ASTN2: variants seen among roughly 807,000 people sequenced by gnomAD.
ASTN2 encodes astrotactin-2.
A neutral mutation model predicts 139.8 loss-of-function variants in ASTN2; 54 were observed. That is an observed-to-expected ratio of 0.39 (90% CI 0.31 to 0.48). The LOEUF (loss-of-function observed/expected upper bound fraction) is 0.48. Among genes scored for constraint, ASTN2 ranks in the 20% least tolerant of loss-of-function variants. ASTN2 has a pLI of 0.95. For missense variants in ASTN2, 1,565 were observed against 1,725.1 expected (o/e 0.91, Z 1.64); for synonymous variants, 756 against 719.5 (o/e 1.05, Z -0.81).
chr9:116,607,838 G>A (rs1855294948), intron 19 of ASTN2, among the ~76,000 whole-genome samples: 1 of 152,148 alleles, frequency 6.6e-6, no homozygotes, highest in South Asian at 2.1e-4. Flanking sequence ...GCACGCACCT[G>A]TAGTCCCAGC....
intron 4 of ASTN2, among the ~76,000 whole-genome samples, chr9:117,131,016 C>G (rs1202088907): frequency 3.9e-5 from 6 of 152,152 alleles, no homozygotes; most frequent in African/African-American, 1.4e-4. Context: ...TCTTTGTAGT[C>G]TTCTAAGTGA....
chr9:117,402,790 G>A (rs1027048855), intron 1 of ASTN2, among the ~76,000 whole-genome samples: 1 of 152,036 alleles, frequency 6.6e-6, no homozygotes, highest in South Asian at 2.1e-4. Flanking sequence ...GTGGGGTGGT[G>A]GTGGTGGTGT....
At chr9:116,631,835 G>A (rs1404676000) in intron 17 of ASTN2, among the ~76,000 whole-genome samples, 1 of 152,068 alleles carries the variant, frequency 6.6e-6, no homozygotes. Context: ...TCACATGTAG[G>A]CCGGGCGTGG....
rs576735879 is a variant in ASTN2, at chr9:116,618,600, G to A, written c.3207-128C>T. ...TTAAATCTTGATTCCACCCATGATCGCCAACTTGCATGACCGTAGGCAAGT... is the reference window on the plus strand; with the variant it reads ...TTAAATCTTGATTCCACCCATGATCACCAACTTGCATGACCGTAGGCAAGT... On this transcript the variant is annotated intron_variant, in intron 18 of 22. Coordinates refer to ENST00000313400, the MANE Select transcript of ASTN2 (RefSeq NM_001365068.1). 42 of 1,133,460 alleles carry A rather than the reference G, an allele frequency of 3.7e-5. No individual in the cohort carries two copies. The East Asian group carries it at 5.2e-4, about 14-fold the overall frequency. The allele number at this position is 1,133,460 out of a possible 1,614,324, so 70.2% of individuals were successfully genotyped here. A position where few individuals can be genotyped will look rare whatever the true frequency, so the allele number is the denominator to read the frequency against.
rs761503419 is a variant in ASTN2, at chr9:116,699,361, G to A, written c.2806+26410C>T. 10 of 1,614,030 alleles carry A rather than the reference G, an allele frequency of 6.2e-6. No homozygotes were observed. The highest frequency in any genetic ancestry group is 3.3e-5 in the Admixed American group (2 of 60,002). ...GGCTTAGGCCTCAATCTGGAGAATC[G>A]GCAGAATGAGCACCACCTGGAGGGT... On this transcript the variant is annotated intron_variant, in intron 16 of 22. Transcript: ENST00000313400. This position sits in a 1 kb window ranked among gnomAD's most constrained non-coding sequence, Gnocchi z 4.2.
intron 1 of ASTN2, among the ~76,000 whole-genome samples, chr9:117,335,195 T>A (rs751337281): frequency 1.3e-5 from 2 of 152,222 alleles, no homozygotes; most frequent in Non-Finnish European, 2.9e-5. Context: ...ATTTACATGT[T>A]TATTGTCAGT....
intron 13 of ASTN2, among the ~76,000 whole-genome samples, chr9:116,765,721 C>T (rs1468503977): frequency 6.6e-6 from 1 of 151,808 alleles, no homozygotes; most frequent in African/African-American, 2.4e-5. Context: ...GGAAAAATCT[C>T]TAGGGGGTAT....
At chr9:117,348,116 G>A (rs1829281105) in intron 1 of ASTN2, among the ~76,000 whole-genome samples, 1 of 152,166 alleles carries the variant, frequency 6.6e-6, no homozygotes, top group Non-Finnish European at 1.5e-5. Context: ...ATGAAGGTAG[G>A]TAACTGGGGA....
In ASTN2 at chr9:116,976,703, T is replaced by C. The variant is rs1287310598; in HGVS notation, c.1674A>G (p.Glu558=). The C allele has an allele frequency of 1.9e-6, 3 of 1,613,996 alleles. No homozygotes were observed. The South Asian group carries it at 3.3e-5, about 18-fold the overall frequency. Residue 558 remains glutamate (E), a splice_region_variant and synonymous_variant, in exon 8 of 23, where the codon GAA becomes GAG. Coordinates refer to ENST00000313400, the MANE Select transcript of ASTN2 (RefSeq NM_001365068.1). ...ACCTGATGCCCTTTGCCACTCACCC[T>C]TCACTCTGTCCCCAGTCACTGCGCA... ...LCVRSDWGQS[E]GPWPYTTLER...
At chr9:117,340,263 C>T (rs1336516057) in intron 1 of ASTN2, among the ~76,000 whole-genome samples, 5 of 126,774 alleles carry the variant, frequency 3.9e-5, no homozygotes, top group Admixed American at 1.0e-4. Context: ...ACTGGGAAGG[C>T]GGAGGTTGTA....
At chr9:116,535,516 G>C (rs746993631) in intron 19 of ASTN2, among the ~76,000 whole-genome samples, 1 of 152,120 alleles carries the variant, frequency 6.6e-6, no homozygotes, top group Non-Finnish European at 1.5e-5. Context: ...TCCATGTTTA[G>C]TTCTTCCTTC....
intron 7 of ASTN2, among the ~76,000 whole-genome samples, chr9:117,002,679 C>T (rs2132573141): frequency 6.6e-6 from 1 of 152,268 alleles, no homozygotes; most frequent in African/African-American, 2.4e-5. Flanking sequence ...TCCGTTCTTC[C>T]TTCCTGCTTG....
At chr9:117,382,573 T>A (rs954314701) in intron 1 of ASTN2, among the ~76,000 whole-genome samples, 2 of 152,094 alleles carry the variant, frequency 1.3e-5, no homozygotes, top group African/African-American at 4.8e-5. Context: ...GTTCTTTGCA[T>A]CTTTGCTCTA....
chr9:116,783,419 G>A (rs1461413444), intron 13 of ASTN2, among the ~76,000 whole-genome samples: 1 of 147,938 alleles, frequency 6.8e-6, no homozygotes, highest in East Asian at 2.0e-4. Flanking sequence ...CACGCACCAA[G>A]CCCTGTTCAC....
At chr9:116,471,698 T>C (rs1848819324) in intron 20 of ASTN2, among the ~76,000 whole-genome samples, 1 of 152,174 alleles carries the variant, frequency 6.6e-6, no homozygotes, top group South Asian at 2.1e-4. Context: ...ATAAAGGGCC[T>C]ACTAGGTGCC....
At chr9:116,757,675 C>A (rs1485002701) in intron 13 of ASTN2, among the ~76,000 whole-genome samples, 1 of 152,084 alleles carries the variant, frequency 6.6e-6, no homozygotes, top group Non-Finnish European at 1.5e-5. Flanking sequence ...CACTGCCCTG[C>A]AAATTCTATC....
intron 11 of ASTN2, among the ~76,000 whole-genome samples, chr9:116,831,698 C>T (rs1831819039): frequency 6.6e-6 from 1 of 152,154 alleles, no homozygotes; most frequent in South Asian, 2.1e-4. Context: ...ATAGGGTAGA[C>T]AGACTTCTTC....
chr9:116,828,022 C>T (rs1032492789), intron 11 of ASTN2, among the ~76,000 whole-genome samples: 2 of 152,166 alleles, frequency 1.3e-5, no homozygotes, highest in East Asian at 3.9e-4. Flanking sequence ...AAAGGCCGGG[C>T]ACAGTGGCTC....
At chr9:116,898,409 C>CAAAAAAAAAAA (rs60880553) in intron 10 of ASTN2, among the ~76,000 whole-genome samples, 1 of 138,670 alleles carries the variant, frequency 7.2e-6, no homozygotes, top group African/African-American at 2.7e-5. Context: ...GACCCTGTCT[C>CAAAAAAAAAAA]AAAAAAAAAA....
Sources: allele counts gnomAD v4.1 joint callset (sites outside exome capture counted in the v4.1 genomes callset), GRCh38; gene constraint gnomAD v4.1.1; non-coding constraint Gnocchi (gnomAD v3.1); transcripts MANE v1.5; gene names NCBI Gene and HGNC (gene_info 2026-07-23, HGNC 2026-07-21).